Variants in ZFYVE1 observed in about 807,000 individuals in gnomAD.
ZFYVE1 encodes the protein zinc finger FYVE domain-containing protein 1.
In ZFYVE1, 30 loss-of-function variants were observed where a neutral mutation model predicts 74.4. That is an observed-to-expected ratio of 0.40 (90% CI 0.30 to 0.55). The LOEUF (loss-of-function observed/expected upper bound fraction) is 0.55. Among genes scored for constraint, ZFYVE1 ranks in the 20% least tolerant of loss-of-function variants. ZFYVE1 has a pLI of 0.42. For synonymous variants in ZFYVE1, 335 were observed against 385.1 expected (o/e 0.87, Z 1.52); for missense variants, 703 against 1,011.6 (o/e 0.69, Z 4.14).
At chr14:72,988,087 A>C (rs1180657428) in intron 4 of ZFYVE1, among the ~76,000 whole-genome samples, 1 of 152,132 alleles carries the variant, frequency 6.6e-6, no homozygotes, top group Non-Finnish European at 1.5e-5. Flanking sequence ...AATAATAAAC[A>C]CAAAAAGTAG....
chr14:73,002,902 C>T (rs546089407), intron 2 of ZFYVE1, among the ~76,000 whole-genome samples: 14 of 151,122 alleles, frequency 9.3e-5, no homozygotes, highest in South Asian at 2.1e-4. Context: ...CCACCACGCC[C>T]GGCTAATTTT....
intron 2 of ZFYVE1, among the ~76,000 whole-genome samples, chr14:73,005,366 G>T (rs953211590): frequency 2.6e-5 from 4 of 152,120 alleles, no homozygotes; most frequent in Non-Finnish European, 5.9e-5. Flanking sequence ...TCCAATCCTG[G>T]AGTTAAATAG....
chr14:72,993,383 T>C, intron 3 of ZFYVE1, 26 bp from the exon 4 acceptor site: 7 of 1,561,560 alleles, frequency 4.5e-6, no homozygotes, highest in Non-Finnish European at 6.1e-6. Context: ...CACAGGCACA[T>C]GGGTAGTGAG....
rs751994147 is a variant in ZFYVE1 at position 72,969,794 on chromosome 14, G to C, written c.*1088C>G. 2.9e-6 allele frequency: 2 copies of C among 697,374 alleles called. No homozygotes were observed. The highest frequency in any genetic ancestry group is 3.0e-5 in the South Asian group (2 of 66,520). 43.2% of individuals were successfully genotyped at this position (697,374 alleles called of 1,614,324 possible). A position where few individuals can be genotyped will look rare whatever the true frequency, so the allele number is the denominator to read the frequency against. On this transcript the variant is annotated 3_prime_UTR_variant, in exon 12 of 12. Coordinates refer to ENST00000556143, the MANE Select transcript of ZFYVE1 (RefSeq NM_021260.4). ...AACAAAAGTTCCTTTGACTTCTCTT[G>C]CAAGGACCAAAGAGATAAATTTTTT...
chr14:72,981,775 G>T lies in ZFYVE1; in HGVS notation c.1310+14C>A. On this transcript the variant is annotated intron_variant, in intron 5 of 11. Coordinates refer to ENST00000556143, the MANE Select transcript of ZFYVE1 (RefSeq NM_021260.4). ...AAGGTATGGGGTGGGAGGTGGGGGAGCGGCCTTACTTACCCACAGCTGAGG... is the reference window on the plus strand; with the variant it reads ...AAGGTATGGGGTGGGAGGTGGGGGATCGGCCTTACTTACCCACAGCTGAGG... 1 of 1,612,394 alleles carries T rather than the reference G, an allele frequency of 6.2e-7. No individual in the cohort carries two copies.
At chr14:72,992,169 A>G (rs1475053836) in intron 4 of ZFYVE1, among the ~76,000 whole-genome samples, 1 of 152,138 alleles carries the variant, frequency 6.6e-6, no homozygotes, top group Admixed American at 6.5e-5. Context: ...TCGGCCTCCC[A>G]AAGTGCTGGA....
In ZFYVE1 at chr14:72,970,745, G is replaced by A; in HGVS notation, c.*137C>T. ...GCCTGCCGCCAGGCTCACCCCCACT[G>A]AGGGAAAGTGGCCCTGGATGCGGAG... On this transcript the variant is annotated 3_prime_UTR_variant, in exon 12 of 12. Coordinates refer to ENST00000556143, the MANE Select transcript of ZFYVE1 (RefSeq NM_021260.4). The A allele has an allele frequency of 1.0e-6, 1 of 983,934 alleles. No individual in the cohort carries two copies. Among genetic ancestry groups the A allele is most frequent in the South Asian group, 1.7e-5 (1 of 59,466 alleles). 61.0% of individuals were successfully genotyped at this position (983,934 alleles called of 1,614,324 possible).
chr14:73,012,625 A>T (rs1016487189), intron 2 of ZFYVE1, among the ~76,000 whole-genome samples: 1 of 152,174 alleles, frequency 6.6e-6, no homozygotes, highest in Non-Finnish European at 1.5e-5. Flanking sequence ...TCGTCTCAAA[A>T]AAAAAGAACT....
intron 2 of ZFYVE1, among the ~76,000 whole-genome samples, chr14:73,015,688 A>C (rs558178947): frequency 6.6e-6 from 1 of 152,172 alleles, no homozygotes; most frequent in African/African-American, 2.4e-5. Context: ...CCGGCCTGCT[A>C]TTTTCCATTC....
chr14:72,978,171 G>A lies in ZFYVE1; in HGVS notation c.1483C>T (p.Pro495Ser). ...GCATATTTTGCGAGACCCATCCAGG[G>A]GGAGTCAGTGGAAGCAGATGTTTTG... ...VPKTSASTDS[P>S]WMGLAKYAWS... The change falls in exon 7 of 12, where the codon CCC (proline) becomes TCC (serine). Residue 495 changes from proline (P) to serine (S), a missense_variant. Physicochemically the swap from Pro to Ser is moderately conservative, Grantham distance 74 (BLOSUM62 -1). This residue lies in a region of ZFYVE1 where 492 missense variants were observed against 790.0 expected (regional missense o/e 0.62). Transcript: ENST00000556143. 1 of 1,614,172 alleles carries A rather than the reference G, an allele frequency of 6.2e-7. No individual in the cohort carries two copies. Among genetic ancestry groups the A allele is most frequent in the Non-Finnish European group, 8.5e-7 (1 of 1,180,026 alleles).
intron 4 of ZFYVE1, among the ~76,000 whole-genome samples, chr14:72,988,927 TTC>T (rs1052972606): frequency 2.9e-5 from 4 of 135,722 alleles, no homozygotes; most frequent in South Asian, 2.3e-4. Flanking sequence ...TTGCAATTTC[TTC>T]TTTTTTTTTT....
chr14:73,026,021 A>G (rs1463393450), intron 1 of ZFYVE1, among the ~76,000 whole-genome samples: 3 of 151,898 alleles, frequency 2.0e-5, no homozygotes, highest in Non-Finnish European at 4.4e-5. Context: ...GATTGTTTCA[A>G]CTCTAGCTAG....
At chr14:73,014,853 C>G (rs1349682768) in intron 2 of ZFYVE1, among the ~76,000 whole-genome samples, 2 of 152,158 alleles carry the variant, frequency 1.3e-5, no homozygotes, top group Non-Finnish European at 2.9e-5. Flanking sequence ...AAGCCAAGAA[C>G]AGGGCCAAGA....
intron 2 of ZFYVE1, among the ~76,000 whole-genome samples, chr14:73,013,357 C>T (rs1203974496): frequency 6.6e-6 from 1 of 152,158 alleles, no homozygotes; most frequent in Non-Finnish European, 1.5e-5. Context: ...CCTGTAATCC[C>T]AGCACTTTGG....
In ZFYVE1 at chr14:72,981,803, C is replaced by A; in HGVS notation, c.1296G>T (p.Leu432Phe). ...GCCTTACTTACCCACAGCTGAGGCA[C>A]AAGGAGGAGCAGGTGAAATACTCAT... Reference protein sequence around the residue: ...FPDEYFTCSSLCLSCGVGCKK... With the variant: ...FPDEYFTCSSFCLSCGVGCKK... Residue 432 changes from leucine to phenylalanine, a missense_variant, in exon 5 of 12, where the codon TTG becomes TTT. By Grantham distance (22) the Leu-to-Phe change is conservative. Around this residue, in one of 2 missense-constraint regions of ZFYVE1, gnomAD observed 492 missense variants for 790.0 expected, o/e 0.62. Coordinates refer to ENST00000556143, the MANE Select transcript of ZFYVE1 (RefSeq NM_021260.4). 2 of 1,614,052 alleles carry A rather than the reference C, an allele frequency of 1.2e-6. No homozygotes were observed. Among genetic ancestry groups the A allele is most frequent in the Non-Finnish European group, 1.7e-6 (2 of 1,180,018 alleles).
intron 2 of ZFYVE1, among the ~76,000 whole-genome samples, chr14:73,006,312 C>T (rs1385260809): frequency 6.6e-6 from 1 of 151,884 alleles, no homozygotes; most frequent in Non-Finnish European, 1.5e-5. Flanking sequence ...TGGTGGCTCA[C>T]GCCTGTAATC....
chr14:73,017,863 C>G (rs1383243991), intron 2 of ZFYVE1, among the ~76,000 whole-genome samples: 3 of 152,162 alleles, frequency 2.0e-5, no homozygotes, highest in Admixed American at 2.0e-4. Context: ...TAGCTTCTAT[C>G]AGGTCCTGTG....
At chr14:72,978,304 T>G in intron 6 of ZFYVE1, 70 bp from the exon 7 acceptor site, 62 of 1,501,562 alleles carry the variant, frequency 4.1e-5, no homozygotes, top group Non-Finnish European at 5.0e-5. Context: ...CACGGGGTTT[T>G]ACCAGCCCAG....
At chr14:73,001,845 G>A (rs925174448) in intron 2 of ZFYVE1, among the ~76,000 whole-genome samples, 3 of 151,982 alleles carry the variant, frequency 2.0e-5, no homozygotes, top group Admixed American at 1.3e-4. Flanking sequence ...CTACTCGGGA[G>A]GCTGAGACAG....
Sources: allele counts gnomAD v4.1 joint callset (sites outside exome capture counted in the v4.1 genomes callset), GRCh38; gene constraint gnomAD v4.1.1; regional missense constraint gnomAD v4.1.1; transcripts MANE v1.5; gene names NCBI Gene and HGNC (gene_info 2026-07-23, HGNC 2026-07-21).